The following ESR1 variants were observed in gnomAD, a reference collection of about 807,000 sequenced individuals.
ESR1 encodes estrogen receptor.
ESR1 carries 12 observed loss-of-function variants against 52.7 expected under a neutral mutation model. The observed-to-expected ratio is 0.23, with a 90% CI of 0.15 to 0.37. The LOEUF (loss-of-function observed/expected upper bound fraction) is 0.37. Ranked by LOEUF, ESR1 falls within the 10% of genes least tolerant of loss-of-function variation. The pLI is 1.00. For synonymous variants in ESR1, 305 were observed against 316.8 expected (o/e 0.96, Z 0.39); for missense variants, 584 against 779.7 (o/e 0.75, Z 2.99).
At chr6:152,045,247 C>A (rs537910457) in intron 5 of ESR1, among the ~76,000 whole-genome samples, 1 of 152,292 alleles carries the variant, frequency 6.6e-6, no homozygotes, top group South Asian at 2.1e-4. Context: ...AATTGACGAA[C>A]CTGGTACCAA....
intron 3 of ESR1, among the ~76,000 whole-genome samples, chr6:151,939,907 CAAA>C (rs1319820624): frequency 2.0e-5 from 3 of 151,890 alleles, no homozygotes; most frequent in African/African-American, 7.3e-5. Context: ...TTGTACAAAA[CAAA>C]AAACAATAAT....
intron 2 of ESR1, among the ~76,000 whole-genome samples, 199 bp downstream of exon 2, chr6:151,842,986 G>A (rs1332075086): frequency 6.6e-6 from 1 of 152,202 alleles, no homozygotes; most frequent in Non-Finnish European, 1.5e-5. Context: ...CAGGGCAGCT[G>A]AGGCTGAGTA....
chr6:151,997,134 C>T (rs2041564215), intron 4 of ESR1, among the ~76,000 whole-genome samples: 1 of 151,954 alleles, frequency 6.6e-6, no homozygotes, highest in Non-Finnish European at 1.5e-5. Context: ...GAGCATCTTA[C>T]CGTTCATTGC....
chr6:151,908,114 G>A (rs1398172873), intron 3 of ESR1, among the ~76,000 whole-genome samples: 2 of 151,926 alleles, frequency 1.3e-5, no homozygotes, highest in Non-Finnish European at 2.9e-5. Context: ...TTCCCCTTAT[G>A]TTTTTAACAA....
At chr6:151,979,795 A>G (rs957213647) in intron 4 of ESR1, among the ~76,000 whole-genome samples, 1 of 152,188 alleles carries the variant, frequency 6.6e-6, no homozygotes, top group African/African-American at 2.4e-5. Flanking sequence ...TGGAACATAA[A>G]TCTTAGGCAC....
intron 2 of ESR1, among the ~76,000 whole-genome samples, chr6:151,854,100 A>G (rs999043076): frequency 1.8e-4 from 28 of 152,192 alleles, no homozygotes; most frequent in Admixed American, 1.6e-3. Context: ...AATGGTCTGT[A>G]TCTCTGATAC....
At chr6:152,009,800 A>G (rs912672697) in intron 4 of ESR1, among the ~76,000 whole-genome samples, 5 of 152,282 alleles carry the variant, frequency 3.3e-5, no homozygotes, top group Non-Finnish European at 1.5e-5. Flanking sequence ...TAGCAGCTTT[A>G]TTTGTAATAG....
chr6:152,110,323 T>C (rs796711867), intron 6 of ESR1, among the ~76,000 whole-genome samples: 58 of 152,304 alleles, frequency 3.8e-4, no homozygotes, highest in African/African-American at 1.3e-3. Context: ...GTGGTATATA[T>C]ACATCATGGA....
chr6:151,719,856 A>G (rs1781333963), intron 2 of ESR1, among the ~76,000 whole-genome samples: 1 of 152,168 alleles, frequency 6.6e-6, no homozygotes, highest in South Asian at 2.1e-4. Context: ...CTACTGAGCT[A>G]CTGAGACTGG....
intron 2 of ESR1, among the ~76,000 whole-genome samples, chr6:151,721,418 A>G (rs1333475424): frequency 6.6e-6 from 1 of 152,218 alleles, no homozygotes; most frequent in African/African-American, 2.4e-5. Flanking sequence ...GGGTTTAGAA[A>G]GAGCATTTTG....
rs190675699 is a variant in ESR1 at position 151,841,563 on chromosome 6, C to T, written c.453-1034C>T. On this transcript the variant is annotated intron_variant, in intron 1 of 7. Coordinates refer to ENST00000206249, the MANE Select transcript of ESR1 (RefSeq NM_000125.4). ...CTAGAATCTCCTTACTGTTCATTTT[C>T]AGCTTCCTTTCTGTGTTCCTCTTCT... Among the ~76,000 whole-genome samples the T allele has an allele frequency of 1.3e-3, 192 of 152,208 alleles. 1 individual carries two copies. Among genetic ancestry groups the T allele is most frequent in the African/African-American group, 4.5e-3 (185 of 41,534 alleles).
chr6:151,840,499 C>A (rs939450961), intron 1 of ESR1, among the ~76,000 whole-genome samples: 16 of 152,148 alleles, frequency 1.1e-4, no homozygotes, highest in African/African-American at 3.9e-4. Context: ...GTACTCAACC[C>A]AAGGAGCCAA....
At chr6:151,765,765 A>C (rs1171037002) in intron 2 of ESR1, among the ~76,000 whole-genome samples, 1 of 152,154 alleles carries the variant, frequency 6.6e-6, no homozygotes, top group Non-Finnish European at 1.5e-5. Flanking sequence ...TTTCAGCTCT[A>C]TTGTTATTCT....
intron 4 of ESR1, among the ~76,000 whole-genome samples, chr6:151,964,341 A>T (rs2038012204): frequency 6.6e-6 from 1 of 151,620 alleles, no homozygotes. Context: ...GTTTTCTTCT[A>T]TTTCTTTTAT....
rs1291894331 is a variant in ESR1, at chr6:151,808,370, C to T, written c.452+6C>T. ...GGCCCGCCGGCATTCTACAGGTACC[C>T]GCGCCCGCGCCGCCCGTCGGGGTGG... On this transcript the variant is annotated splice_donor_region_variant and intron_variant, in intron 1 of 7. Transcript: ENST00000206249. 2 of 1,419,608 alleles carry T rather than the reference C, an allele frequency of 1.4e-6. No individual in the cohort carries two copies. The highest frequency in any genetic ancestry group is 1.4e-5 in the South Asian group (1 of 70,586). The allele number at this position is 1,419,608 out of a possible 1,614,324, so 87.9% of individuals were successfully genotyped here.
intron 1 of ESR1, among the ~76,000 whole-genome samples, chr6:151,840,475 T>C (rs574902010): frequency 3.5e-4 from 54 of 152,322 alleles, no homozygotes; most frequent in African/African-American, 1.3e-3. Context: ...TGGACGAAAT[T>C]GGCAAAGTCA....
intron 6 of ESR1, among the ~76,000 whole-genome samples, chr6:152,077,816 A>G (rs2048866669): frequency 2.0e-5 from 3 of 152,144 alleles, no homozygotes; most frequent in Non-Finnish European, 4.4e-5. Flanking sequence ...TATTTACCCA[A>G]TGCCTAAACC....
chr6:151,982,874 A>G (rs2040129658), intron 4 of ESR1, among the ~76,000 whole-genome samples: 1 of 152,138 alleles, frequency 6.6e-6, no homozygotes, highest in South Asian at 2.1e-4. Flanking sequence ...CTTACAGTGC[A>G]TCTCAATTTT....
chr6:151,876,244 C>T (rs1791795586), intron 2 of ESR1, among the ~76,000 whole-genome samples: 1 of 152,064 alleles, frequency 6.6e-6, no homozygotes, highest in African/African-American at 2.4e-5. Context: ...TGAATAGGAA[C>T]AGACTGGCGA....
Sources: allele counts gnomAD v4.1 joint callset (sites outside exome capture counted in the v4.1 genomes callset), GRCh38; gene constraint gnomAD v4.1.1; transcripts MANE v1.5; gene names NCBI Gene and HGNC (gene_info 2026-07-23, HGNC 2026-07-21).